RBFOX1: variants seen among roughly 807,000 people sequenced by gnomAD.
RBFOX1 encodes RNA binding protein fox-1 homolog 1.
RBFOX1 carries 8 observed loss-of-function variants against 57.7 expected under a neutral mutation model. The observed-to-expected ratio is 0.14, with a 90% CI of 0.08 to 0.25. RBFOX1 has a LOEUF of 0.25. Ranked by LOEUF, RBFOX1 falls within the 10% of genes least tolerant of loss-of-function variation. RBFOX1 has a pLI of 1.00. For missense variants in RBFOX1, 611 were observed against 548.5 expected (o/e 1.11, Z -1.14); for synonymous variants, 326 against 222.4 (o/e 1.47, Z -4.15).
In RBFOX1 at chr16:6,164,019, G is replaced by T. The variant is rs909277679; in HGVS notation, c.-127+144027G>T. Among the ~76,000 whole-genome samples, 10 of 152,140 alleles carry T rather than the reference G, an allele frequency of 6.6e-5. No homozygotes were observed. In the East Asian group the frequency reaches 1.9e-3, roughly 29 times the overall value. On this transcript the variant is annotated intron_variant, in intron 1 of 15. Coordinates refer to ENST00000550418, the MANE Select transcript of RBFOX1 (RefSeq NM_018723.4). ...TGTCACAGAGTTACATTTTTGTGAC[G>T]AGAGTAGTTGAAATCTTCTTATTTA...
chr16:7,233,331 A>G (rs991909467), intron 4 of RBFOX1, among the ~76,000 whole-genome samples: 1 of 151,864 alleles, frequency 6.6e-6, no homozygotes, highest in African/African-American at 2.4e-5. Flanking sequence ...GAATTATCCC[A>G]GCTCTTCTAT....
chr16:7,342,018 G>A (rs2096907616), intron 4 of RBFOX1, among the ~76,000 whole-genome samples: 1 of 152,042 alleles, frequency 6.6e-6, no homozygotes, highest in Admixed American at 6.6e-5. Flanking sequence ...GCAGTGAGGA[G>A]GGGGATCACT....
chr16:5,888,673 T>G (rs1384601268), intron 4 of RBFOX1, among the ~76,000 whole-genome samples: 1 of 151,882 alleles, frequency 6.6e-6, no homozygotes, highest in Admixed American at 6.6e-5. Context: ...CACATGCCTG[T>G]AATCCCAGCT....
intron 2 of RBFOX1, among the ~76,000 whole-genome samples, chr16:6,461,928 G>C (rs1190996449): frequency 6.6e-6 from 1 of 152,068 alleles, no homozygotes; most frequent in Non-Finnish European, 1.5e-5. Flanking sequence ...CTTTTGGTGG[G>C]GCAAGCTTTG....
chr16:6,836,544 C>T (rs979980595), intron 3 of RBFOX1, among the ~76,000 whole-genome samples: 2 of 152,188 alleles, frequency 1.3e-5, no homozygotes, highest in Admixed American at 6.5e-5. Context: ...ACGAATGACA[C>T]CTTCAAATGG....
intron 3 of RBFOX1, among the ~76,000 whole-genome samples, chr16:6,816,007 A>G (rs917310431): frequency 7.2e-5 from 11 of 152,172 alleles, no homozygotes; most frequent in Admixed American, 4.6e-4. Flanking sequence ...CTTTCTGCCT[A>G]TTGTACCATT....
intron 2 of RBFOX1, among the ~76,000 whole-genome samples, chr16:6,371,202 G>T (rs2090389222): frequency 6.6e-6 from 1 of 152,140 alleles, no homozygotes; most frequent in Non-Finnish European, 1.5e-5. Context: ...AATGGTTTTA[G>T]ACTTTTAAAA....
At chr16:6,698,709 C>A (rs1237586566) in intron 3 of RBFOX1, among the ~76,000 whole-genome samples, 1 of 152,182 alleles carries the variant, frequency 6.6e-6, no homozygotes, top group African/African-American at 2.4e-5. Flanking sequence ...CTCCCACCTG[C>A]TGTCCTCCAA....
rs750285832 is a variant in RBFOX1, at chr16:6,892,775, C to CCTCTCTCTCTCTCTCTCTCTCT, written c.-15-159251_-15-159230dup. ...CATATTCTCAAAGCCTCCCTGTCTCCCTCTCTCTCTCTCTCTCTCTCTCTC... is the reference window on the plus strand; with the variant it reads ...CATATTCTCAAAGCCTCCCTGTCTCCCTCTCTCTCTCTCTCTCTCTCTCTCTCTCTCTCTCTCTCTCTCTCTC... On this transcript the variant is annotated intron_variant, in intron 3 of 15. Transcript: ENST00000550418. 1.5e-4 allele frequency among the ~76,000 whole-genome samples: 13 copies of CCTCTCTCTCTCTCTCTCTCTCT among 84,656 alleles called. 1 individual carries two copies. The highest frequency in any genetic ancestry group is 5.6e-4 in the African/African-American group (11 of 19,582). The allele number at this position is 84,656 out of a possible 152,430, so 55.5% of individuals were successfully genotyped here.
intron 4 of RBFOX1, among the ~76,000 whole-genome samples, chr16:7,101,678 G>C (rs1282114471): frequency 6.6e-6 from 1 of 152,126 alleles, no homozygotes; most frequent in Non-Finnish European, 1.5e-5. Flanking sequence ...AGGCATGTTA[G>C]GGTAGGCATT....
At chr16:6,541,103 C>G (rs1272900688) in intron 2 of RBFOX1, among the ~76,000 whole-genome samples, 1 of 152,086 alleles carries the variant, frequency 6.6e-6, no homozygotes, top group Non-Finnish European at 1.5e-5. Context: ...TAAAAGAAAC[C>G]TGTGTTTCAG....
chr16:5,684,043 G>A (rs1596741039), intron 3 of RBFOX1, among the ~76,000 whole-genome samples: 1 of 151,906 alleles, frequency 6.6e-6, no homozygotes, highest in East Asian at 1.9e-4. Context: ...TTAAAAAGAT[G>A]TAACTGGTGA....
rs184782263 is a variant in RBFOX1 at position 6,320,636 on chromosome 16, G to A, written c.-64+3579G>A. Among the ~76,000 whole-genome samples, 9 of 152,130 alleles carry A rather than the reference G, an allele frequency of 5.9e-5. No homozygotes were observed. In the South Asian group the frequency reaches 1.7e-3, roughly 28 times the overall value. On this transcript the variant is annotated intron_variant, in intron 2 of 15. Coordinates refer to ENST00000550418, the MANE Select transcript of RBFOX1 (RefSeq NM_018723.4). ...CCTTACATAGTTAACCCTGCTAAGA[G>A]AATAGATAAGGAATATTCTTTATCT...
chr16:7,494,800 G>C (rs2068045633), intron 4 of RBFOX1, among the ~76,000 whole-genome samples: 1 of 144,224 alleles, frequency 6.9e-6, no homozygotes, highest in Non-Finnish European at 1.5e-5. Flanking sequence ...AAATGCTTGA[G>C]CTCCTTAATA....
intron 3 of RBFOX1, among the ~76,000 whole-genome samples, chr16:6,670,711 C>T (rs775473639): frequency 2.6e-5 from 4 of 152,022 alleles, no homozygotes; most frequent in Admixed American, 1.3e-4. Context: ...AACTGGTTTC[C>T]TTATGGCCGG....
chr16:7,162,584 AAAC>A (rs2078578600), intron 4 of RBFOX1, among the ~76,000 whole-genome samples: 2 of 151,192 alleles, frequency 1.3e-5, no homozygotes, highest in East Asian at 2.0e-4. Flanking sequence ...AAAAAAAAAA[AAAC>A]ATTGCCAGGT....
chr16:6,739,408 C>A (rs911864711), intron 3 of RBFOX1, among the ~76,000 whole-genome samples: 3 of 151,990 alleles, frequency 2.0e-5, no homozygotes, highest in African/African-American at 7.3e-5. Context: ...TGCAATTCAC[C>A]CAATATGCAA....
At chr16:7,360,334 C>T (rs1231973423) in intron 4 of RBFOX1, among the ~76,000 whole-genome samples, 1 of 152,156 alleles carries the variant, frequency 6.6e-6, no homozygotes, top group Non-Finnish European at 1.5e-5. Context: ...AACAGTGACT[C>T]TGAGAAGATC....
chr16:6,156,639 G>A (rs11860685), intron 1 of RBFOX1, among the ~76,000 whole-genome samples: 142 of 152,222 alleles, frequency 9.3e-4, no homozygotes, highest in African/African-American at 3.4e-3. Flanking sequence ...AGGGTTGTGG[G>A]GGGATCCAAG....
Sources: allele counts gnomAD v4.1 joint callset (sites outside exome capture counted in the v4.1 genomes callset), GRCh38; gene constraint gnomAD v4.1.1; transcripts MANE v1.5; gene names NCBI Gene and HGNC (gene_info 2026-07-23, HGNC 2026-07-21).